Variants in CSMD1 observed in about 807,000 individuals in gnomAD.
The protein encoded by CSMD1 is CUB and sushi domain-containing protein 1.
In CSMD1, 213 loss-of-function variants were observed where a neutral mutation model predicts 417.5. That is an observed-to-expected ratio of 0.51 (90% CI 0.46 to 0.57). CSMD1 has a LOEUF of 0.57. CSMD1 is among the 20% of genes least tolerant of loss of function. The pLI is 0.00. For missense variants in CSMD1, 6,923 were observed against 4,529.7 expected (o/e 1.53, Z -15.17); for synonymous variants, 2,862 against 1,736.8 (o/e 1.65, Z -16.11).
chr8:4,820,752 G>C (rs543763423), intron 1 of CSMD1, among the ~76,000 whole-genome samples: 43 of 152,132 alleles, frequency 2.8e-4, no homozygotes, highest in South Asian at 1.9e-3. Flanking sequence ...CAGGCATAAA[G>C]ACATTTATTC....
intron 10 of CSMD1, among the ~76,000 whole-genome samples, chr8:3,526,810 G>T (rs947679122): frequency 6.6e-6 from 1 of 152,184 alleles, no homozygotes; most frequent in Non-Finnish European, 1.5e-5. Flanking sequence ...CGCTGGTTAT[G>T]TATGTAACAA....
intron 1 of CSMD1, among the ~76,000 whole-genome samples, chr8:4,736,885 G>C (rs1810280670): frequency 6.6e-6 from 1 of 152,124 alleles, no homozygotes; most frequent in South Asian, 2.1e-4. Flanking sequence ...TAAGCGTTCA[G>C]TAAATGTTAT....
At chr8:3,797,967 T>A (rs777552181) in intron 5 of CSMD1, among the ~76,000 whole-genome samples, 4 of 152,072 alleles carry the variant, frequency 2.6e-5, no homozygotes, top group African/African-American at 4.8e-5. Flanking sequence ...TTTACTGGCA[T>A]CTCATTGCGG....
chr8:4,612,686 C>A (rs559192869), intron 2 of CSMD1, among the ~76,000 whole-genome samples: 1 of 152,262 alleles, frequency 6.6e-6, no homozygotes, highest in East Asian at 1.9e-4. Context: ...AACCTCACGC[C>A]ACATCCCTGC....
At chr8:4,704,955 G>A (rs1289362053) in intron 1 of CSMD1, among the ~76,000 whole-genome samples, 1 of 152,198 alleles carries the variant, frequency 6.6e-6, no homozygotes, top group East Asian at 1.9e-4. Context: ...TTGGCTCTGT[G>A]TCCAAATCTA....
intron 3 of CSMD1, among the ~76,000 whole-genome samples, chr8:4,205,054 A>T (rs1799895260): frequency 6.6e-6 from 1 of 152,112 alleles, no homozygotes; most frequent in South Asian, 2.1e-4. Context: ...TATTTTTTTC[A>T]TAACAATGCC....
intron 6 of CSMD1, among the ~76,000 whole-genome samples, chr8:3,729,917 C>G (rs1309179015): frequency 1.5e-5 from 1 of 68,610 alleles, no homozygotes; most frequent in East Asian, 4.2e-4. Flanking sequence ...TTTGCCAATT[C>G]AAAGTAAAAA....
intron 26 of CSMD1, among the ~76,000 whole-genome samples, chr8:3,240,846 A>G (rs189446753): frequency 8.9e-4 from 135 of 152,242 alleles, no homozygotes; most frequent in Middle Eastern, 3.4e-3. Flanking sequence ...CTGGTTCTAG[A>G]ACAGGTAAAA....
chr8:4,197,244 C>T (rs1010517418), intron 3 of CSMD1, among the ~76,000 whole-genome samples: 28 of 152,124 alleles, frequency 1.8e-4, no homozygotes, highest in Non-Finnish European at 3.8e-4. Flanking sequence ...CAGATAATTT[C>T]GTATAACCAG....
intron 42 of CSMD1, among the ~76,000 whole-genome samples, chr8:3,116,155 C>CT (rs11372557): frequency 0.024 from 3,692 of 152,000 alleles, 156 homozygotes; most frequent in African/African-American, 0.085. Context: ...TAAATAACAC[C>CT]TTTTTTAATA....
At chr8:4,236,789 A>C (rs968460099) in intron 3 of CSMD1, among the ~76,000 whole-genome samples, 1 of 152,224 alleles carries the variant, frequency 6.6e-6, no homozygotes, top group Non-Finnish European at 1.5e-5. Context: ...GGCAATTACT[A>C]AATAGTAGCC....
At chr8:4,098,001 C>G (rs1168387583) in intron 3 of CSMD1, among the ~76,000 whole-genome samples, 1 of 152,162 alleles carries the variant, frequency 6.6e-6, no homozygotes, top group Non-Finnish European at 1.5e-5. Flanking sequence ...GAAATGAACT[C>G]TGTCAAGAGT....
intron 5 of CSMD1, among the ~76,000 whole-genome samples, chr8:3,987,875 T>C (rs889401168): frequency 6.6e-6 from 1 of 152,154 alleles, no homozygotes; most frequent in Non-Finnish European, 1.5e-5. Context: ...GTCCAATCTG[T>C]TTGGCACATT....
At chr8:3,729,696 C>G (rs933968527) in intron 6 of CSMD1, among the ~76,000 whole-genome samples, 12 of 151,980 alleles carry the variant, frequency 7.9e-5, no homozygotes, top group African/African-American at 2.9e-4. Context: ...CTCGCCTCTT[C>G]TTCTGCTAAG....
chr8:3,319,764 C>A (rs566365193), intron 23 of CSMD1, among the ~76,000 whole-genome samples: 3 of 151,884 alleles, frequency 2.0e-5, no homozygotes, highest in African/African-American at 4.8e-5. Flanking sequence ...ACACGTCAGC[C>A]GGGCTATTTT....
At chr8:2,992,128 T>C (rs990438151) in intron 54 of CSMD1, among the ~76,000 whole-genome samples, 4 of 152,294 alleles carry the variant, frequency 2.6e-5, no homozygotes, top group Non-Finnish European at 5.9e-5. Context: ...ATAGTACATA[T>C]GCATGCACAC....
chr8:3,020,937 G>C (rs937009451), intron 51 of CSMD1, among the ~76,000 whole-genome samples: 10 of 152,204 alleles, frequency 6.6e-5, no homozygotes, highest in African/African-American at 2.2e-4. Flanking sequence ...GTAGGATTTA[G>C]ATTTTTACAA....
chr8:4,650,490 G>C (rs1053851234), intron 1 of CSMD1, among the ~76,000 whole-genome samples: 6 of 151,862 alleles, frequency 4.0e-5, no homozygotes, highest in Admixed American at 2.0e-4. Flanking sequence ...CTGTGGGCAA[G>C]AAATCAAAGC....
intron 1 of CSMD1, among the ~76,000 whole-genome samples, chr8:4,686,092 T>G (rs1179942767): frequency 6.6e-6 from 1 of 152,228 alleles, no homozygotes; most frequent in African/African-American, 2.4e-5. Flanking sequence ...GTCATTCACT[T>G]TTTCGTTACA....
Sources: allele counts gnomAD v4.1 joint callset (sites outside exome capture counted in the v4.1 genomes callset), GRCh38; gene constraint gnomAD v4.1.1; transcripts MANE v1.5; gene names NCBI Gene and HGNC (gene_info 2026-07-23, HGNC 2026-07-21).